ZNF804B: variants seen among roughly 807,000 people sequenced by gnomAD.
The protein encoded by ZNF804B is zinc finger protein 804B, also known as zinc finger 804B.
Under a neutral mutation model 101.4 loss-of-function variants are expected in ZNF804B, and 80 were observed. The observed-to-expected ratio is 0.79, with a 90% CI of 0.66 to 0.95. The LOEUF is 0.95. Among genes scored for constraint, ZNF804B ranks in the 40% least tolerant of loss-of-function variants. The pLI is 0.00. For synonymous variants in ZNF804B, 622 were observed against 558.8 expected (o/e 1.11, Z -1.59); for missense variants, 1,673 against 1,561.9 (o/e 1.07, Z -1.20).
chr7:89,244,918 T>C (rs1789421559), intron 2 of ZNF804B, among the ~76,000 whole-genome samples: 1 of 152,194 alleles, frequency 6.6e-6, no homozygotes, highest in South Asian at 2.1e-4. Context: ...CAAATTTACT[T>C]ATTTTAAAAT....
At chr7:88,864,249 A>T (rs1249757026) in intron 1 of ZNF804B, among the ~76,000 whole-genome samples, 1 of 152,248 alleles carries the variant, frequency 6.6e-6, no homozygotes, top group East Asian at 1.9e-4. Context: ...CTAGTGTAAT[A>T]AGCTCTTAAG....
chr7:88,975,276 G>A (rs1057059692), intron 1 of ZNF804B, among the ~76,000 whole-genome samples: 7 of 151,220 alleles, frequency 4.6e-5, no homozygotes, highest in East Asian at 3.9e-4. Flanking sequence ...CTGATTTCCT[G>A]TCTTTTGGGT....
chr7:88,764,127 G>T (rs766981458), intron 1 of ZNF804B, among the ~76,000 whole-genome samples: 57 of 152,076 alleles, frequency 3.7e-4, no homozygotes, highest in Non-Finnish European at 7.6e-4. Flanking sequence ...TTAGTTATGT[G>T]ATCTGAAATA....
chr7:88,915,599 G>T (rs1792620535), intron 1 of ZNF804B, among the ~76,000 whole-genome samples: 1 of 151,872 alleles, frequency 6.6e-6, no homozygotes, highest in African/African-American at 2.4e-5. Context: ...GACTACATAT[G>T]TAAAAGATTT....
chr7:89,335,576 T>C lies in ZNF804B; in HGVS notation c.2594T>C (p.Leu865Ser). 6.2e-7 allele frequency: 1 copy of C among 1,613,954 alleles called. No individual in the cohort carries two copies. Among genetic ancestry groups the C allele is most frequent in the African/African-American group, 1.3e-5 (1 of 75,000 alleles). ...DSYSIEKMYYLNKSKRNQESL... is the reference protein window; with the variant it reads ...DSYSIEKMYYSNKSKRNQESL... Reference sequence around the variant, plus strand: ...TACTCAATAGAGAAAATGTATTACTTGAATAAAAGCAAGAGAAATCAAGAG... The same window carrying C: ...TACTCAATAGAGAAAATGTATTACTCGAATAAAAGCAAGAGAAATCAAGAG... The change falls in exon 4 of 4, where the codon TTG becomes TCG. Residue 865 changes from leucine to serine, a missense_variant. By Grantham distance (145) the Leu-to-Ser change is moderately radical. Coordinates refer to ENST00000333190, the MANE Select transcript of ZNF804B (RefSeq NM_181646.5).
intron 1 of ZNF804B, among the ~76,000 whole-genome samples, chr7:88,857,826 T>C (rs1343395280): frequency 1.0e-5 from 1 of 95,884 alleles, no homozygotes; most frequent in East Asian, 5.5e-4. Context: ...TCTTTTCTTT[T>C]TTTTTTTTTT....
intron 1 of ZNF804B, among the ~76,000 whole-genome samples, chr7:88,807,599 A>T (rs976151047): frequency 6.6e-6 from 1 of 152,102 alleles, no homozygotes; most frequent in Non-Finnish European, 1.5e-5. Context: ...TTTTCTGAGT[A>T]AGTGGATGAT....
At chr7:89,279,171 A>G (rs958516893) in intron 2 of ZNF804B, among the ~76,000 whole-genome samples, 8 of 151,994 alleles carry the variant, frequency 5.3e-5, no homozygotes, top group Non-Finnish European at 1.2e-4. Flanking sequence ...TTGGTGTATA[A>G]GAATGCTTGT....
intron 1 of ZNF804B, among the ~76,000 whole-genome samples, chr7:89,184,233 A>T (rs1788341400): frequency 6.6e-6 from 1 of 152,156 alleles, no homozygotes; most frequent in South Asian, 2.1e-4. Context: ...TAATCAAAGC[A>T]ATGTCCTCTG....
chr7:89,126,290 T>C (rs1382349225), intron 1 of ZNF804B, among the ~76,000 whole-genome samples: 1 of 151,988 alleles, frequency 6.6e-6, no homozygotes, highest in Non-Finnish European at 1.5e-5. Context: ...GGAATAAAGG[T>C]ATTTCTCAAA....
intron 1 of ZNF804B, among the ~76,000 whole-genome samples, chr7:88,890,541 T>C (rs987804412): frequency 6.6e-6 from 1 of 152,172 alleles, no homozygotes; most frequent in African/African-American, 2.4e-5. Flanking sequence ...GTAATTGATA[T>C]TGTCAGGTTG....
intron 1 of ZNF804B, among the ~76,000 whole-genome samples, chr7:89,178,666 T>G (rs1205673369): frequency 6.6e-6 from 1 of 152,204 alleles, no homozygotes; most frequent in Non-Finnish European, 1.5e-5. Context: ...TCATTTCATC[T>G]TTAAGTCTTT....
chr7:89,052,906 G>A (rs1321535879), intron 1 of ZNF804B, among the ~76,000 whole-genome samples: 1 of 152,058 alleles, frequency 6.6e-6, no homozygotes, highest in Non-Finnish European at 1.5e-5. Flanking sequence ...GACATATTTG[G>A]GCTTTCACAT....
chr7:89,075,827 A>C (rs538896787), intron 1 of ZNF804B, among the ~76,000 whole-genome samples: 18 of 152,342 alleles, frequency 1.2e-4, no homozygotes, highest in African/African-American at 4.3e-4. Context: ...CCATGGGGCA[A>C]AGGTGCCCGA....
intron 1 of ZNF804B, among the ~76,000 whole-genome samples, chr7:89,120,345 T>C (rs1790382556): frequency 6.6e-6 from 1 of 151,592 alleles, no homozygotes; most frequent in African/African-American, 2.4e-5. Flanking sequence ...GAAAACACAC[T>C]TACCAAAGAT....
At chr7:88,897,638 A>G (rs1792310508) in intron 1 of ZNF804B, among the ~76,000 whole-genome samples, 1 of 152,190 alleles carries the variant, frequency 6.6e-6, no homozygotes, top group Admixed American at 6.5e-5. Flanking sequence ...CAGATAAAGA[A>G]TCAGAGTCTC....
At chr7:88,787,203 C>G (rs1348133304) in intron 1 of ZNF804B, among the ~76,000 whole-genome samples, 1 of 152,076 alleles carries the variant, frequency 6.6e-6, no homozygotes, top group Admixed American at 6.6e-5. Flanking sequence ...TAAGGTGAAT[C>G]TGGGTAGCAA....
intron 1 of ZNF804B, among the ~76,000 whole-genome samples, chr7:88,921,922 T>C (rs567650158): frequency 6.6e-6 from 1 of 151,900 alleles, no homozygotes; most frequent in South Asian, 2.1e-4. Flanking sequence ...TGTGCCTCAC[T>C]AAAGAAGAAT....
At chr7:89,122,602 T>C (rs1790423274) in intron 1 of ZNF804B, among the ~76,000 whole-genome samples, 1 of 152,174 alleles carries the variant, frequency 6.6e-6, no homozygotes, top group African/African-American at 2.4e-5. Context: ...AGTGACCCAT[T>C]AATGCTTCTA....
Sources: gnomAD v4.1 joint callset for allele counts (sites outside exome capture counted in the v4.1 genomes callset) on GRCh38, gnomAD v4.1.1 for gene constraint, MANE v1.5 for transcripts, NCBI Gene and HGNC (gene_info 2026-07-23, HGNC 2026-07-21) for gene names.